Variants in PCDHA9 observed in about 807,000 individuals in gnomAD.
The protein encoded by PCDHA9 is protocadherin alpha 9, also known as protocadherin alpha-9.
In PCDHA9, 62 loss-of-function variants were observed where a neutral mutation model predicts 62.0. The observed-to-expected ratio is 1.00, with a 90% confidence interval of 0.81 to 1.23. The LOEUF (loss-of-function observed/expected upper bound fraction) is 1.23. Ranked by LOEUF, PCDHA9 falls within the 50% of genes most tolerant of loss-of-function variation. The pLI, the probability that PCDHA9 is intolerant of heterozygous loss-of-function variation, is 0.00. For missense variants in PCDHA9, 1,205 were observed against 1,249.8 expected, an observed-to-expected ratio of 0.96 and a Z score of 0.54; for synonymous variants, 557 against 567.6, an observed-to-expected ratio of 0.98 and a Z score of 0.27.
At chr5:140,855,357 A>C (rs2043441484) in intron 1 of PCDHA9, among the ~76,000 whole-genome samples, 1 of 150,032 alleles carries the variant, frequency 6.7e-6, no homozygotes, top group South Asian at 2.1e-4. Context: ...TCATGTGGCT[A>C]GTGAGTAGGA....
rs2098421039 is a variant in PCDHA9, at chr5:141,011,549, G to GA, written c.*1615dup. 1 of 153,674 alleles carries GA rather than the reference G, an allele frequency of 6.5e-6. No individual in the cohort carries two copies. The highest frequency in any genetic ancestry group is 1.5e-5 in the Non-Finnish European group (1 of 68,008). The allele number at this position is 153,674 out of a possible 1,614,324, so 9.5% of individuals were successfully genotyped here. A position where few individuals can be genotyped will look rare whatever the true frequency, so the allele number is the denominator to read the frequency against. Reference sequence around the variant, plus strand: ...CCATTGTTAATCAGCTTTTGTGTATGAAAGACACAGTAAAATTTCTTTCTT... The same window carrying GA: ...CCATTGTTAATCAGCTTTTGTGTATGAAAAGACACAGTAAAATTTCTTTCTT... On this transcript the variant is annotated 3_prime_UTR_variant, in exon 4 of 4. Coordinates refer to ENST00000532602, the MANE Select transcript of PCDHA9 (RefSeq NM_031857.2).
At position 140,980,684 on chromosome 5, in the gene PCDHA9, GA is replaced by G. The variant is rs782726576; in HGVS notation, c.2453+1687del. 1.5e-4 allele frequency among the ~76,000 whole-genome samples: 22 copies of G among 145,136 alleles called. No individual in the cohort carries two copies. In the East Asian group the frequency reaches 2.6e-3, roughly 17 times the overall value. ...AACTTCCTTATCCCATTTTCAAATT[GA>G]AAAAAAAAAGCCAAATGTGCTCCTA... On this transcript the variant is annotated intron_variant, in intron 2 of 3. Transcript: ENST00000532602.
In PCDHA9 at chr5:141,011,549, GA is replaced by G. The variant is rs2098421039; in HGVS notation, c.*1615del. Reference sequence around the variant, plus strand: ...CCATTGTTAATCAGCTTTTGTGTATGAAAGACACAGTAAAATTTCTTTCTTA... The same window carrying G: ...CCATTGTTAATCAGCTTTTGTGTATGAAGACACAGTAAAATTTCTTTCTTA... On this transcript the variant is annotated 3_prime_UTR_variant, in exon 4 of 4. Coordinates refer to ENST00000532602, the MANE Select transcript of PCDHA9 (RefSeq NM_031857.2). 1 of 153,674 alleles carries G rather than the reference GA, an allele frequency of 6.5e-6. No individual in the cohort carries two copies. Among genetic ancestry groups the G allele is most frequent in the Non-Finnish European group, 1.5e-5 (1 of 68,008 alleles). The allele number at this position is 153,674 out of a possible 1,614,324, so 9.5% of individuals were successfully genotyped here. A position where few individuals can be genotyped will look rare whatever the true frequency, so the allele number is the denominator to read the frequency against.
In PCDHA9 at chr5:140,870,868, G is replaced by T. The variant is rs550915753; in HGVS notation, c.2394+19979G>T. 2.5e-6 allele frequency: 4 copies of T among 1,613,944 alleles called. No homozygotes were observed. The South Asian group carries it at 3.3e-5, about 13-fold the overall frequency. ...ACCGCGGTCGGTGGGTGCGGGCCAC[G>T]TGGTGGCGAAGGTGCGCGCAGTGGA... On this transcript the variant is annotated intron_variant, in intron 1 of 3. Coordinates refer to ENST00000532602, the MANE Select transcript of PCDHA9 (RefSeq NM_031857.2).
At position 140,875,707 on chromosome 5, in the gene PCDHA9, C is replaced by G. The variant is rs782640816; in HGVS notation, c.2394+24818C>G. ...ACACGGGGACCTTCTGGAGGTAAAT[C>G]TGCAGAATGGCATTTTGTTTGTGAA... On this transcript the variant is annotated intron_variant, in intron 1 of 3. Transcript: ENST00000532602. The G allele has an allele frequency of 6.2e-6, 10 of 1,614,048 alleles. No homozygotes were observed. In the South Asian group the frequency reaches 6.6e-5, roughly 11 times the overall value.
At chr5:140,873,631 A>G (rs2054392579) in intron 1 of PCDHA9, among the ~76,000 whole-genome samples, 1 of 152,222 alleles carries the variant, frequency 6.6e-6, no homozygotes, top group Non-Finnish European at 1.5e-5. Flanking sequence ...TTTAGGTCAA[A>G]GAGTATGTGA....
chr5:140,886,827 GAAA>G (rs782016620), intron 1 of PCDHA9, among the ~76,000 whole-genome samples: 1 of 60,882 alleles, frequency 1.6e-5, no homozygotes. Flanking sequence ...ACTTCGTCTT[GAAA>G]AAAAAAAAAA....
intron 1 of PCDHA9, among the ~76,000 whole-genome samples, chr5:140,912,874 G>T (rs2076102653): frequency 6.6e-6 from 1 of 152,026 alleles, no homozygotes; most frequent in Non-Finnish European, 1.5e-5. Context: ...TATGGTTTTT[G>T]GTCTTCATTC....
chr5:140,982,488 G>C lies in PCDHA9; in HGVS notation c.2467G>C (p.Glu823Gln), dbSNP rs782419098. 3 of 1,614,212 alleles carry C rather than the reference G, an allele frequency of 1.9e-6. No individual in the cohort carries two copies. Among genetic ancestry groups the C allele is most frequent in the Non-Finnish European group, 2.5e-6 (3 of 1,180,036 alleles). The change falls in exon 3 of 4, where the codon GAG becomes CAG. Residue 823 changes from glutamate to glutamine, a missense_variant. Glu to Gln is a conservative substitution (Grantham distance 29). This residue lies in a region of PCDHA9 where 887 missense variants were observed against 809.5 expected (regional missense o/e 1.10). Coordinates refer to ENST00000532602, the MANE Select transcript of PCDHA9 (RefSeq NM_031857.2). ...RAGMHSSVHLEEAGILRAGPG... is the reference protein window; with the variant it reads ...RAGMHSSVHLQEAGILRAGPG... The stretch of plus-strand genomic sequence containing the variant: ...GTGTTTATTCAGCTCTGTGCACCTA[G>C]AGGAGGCTGGCATTCTACGGGCTGG...
At chr5:140,905,627 G>A (rs1233983487) in intron 1 of PCDHA9, among the ~76,000 whole-genome samples, 1 of 152,150 alleles carries the variant, frequency 6.6e-6, no homozygotes, top group African/African-American at 2.4e-5. Context: ...GCTTTTGACA[G>A]TATGGTCAGT....
Position 140,982,513 on chromosome 5 carries a change from G to A in PCDHA9, c.2492G>A (p.Gly831Asp). Residue 831 changes from glycine (G) to aspartate (D), a missense_variant, in exon 3 of 4, where the codon GGT (glycine) becomes GAT (aspartate). Transcript: ENST00000532602. ...HLEEAGILRA[G>D]PGGPDQQWPT... is the part of the protein sequence containing the mutation. ...GAGGAGGCTGGCATTCTACGGGCTGGTCCAGGAGGGCCTGATCAGCAGTGG... is the reference window on the plus strand; with the variant it reads ...GAGGAGGCTGGCATTCTACGGGCTGATCCAGGAGGGCCTGATCAGCAGTGG... The A allele has an allele frequency of 6.2e-7, 1 of 1,614,194 alleles. No individual in the cohort carries two copies. Among genetic ancestry groups the A allele is most frequent in the Non-Finnish European group, 8.5e-7 (1 of 1,180,032 alleles).
At chr5:140,857,925 A>G (rs1291686886) in intron 1 of PCDHA9, 2 of 1,597,800 alleles carry the variant, frequency 1.3e-6, no homozygotes. Context: ...GTGGGGCTGT[A>G]CACGGGCGAG....
intron 3 of PCDHA9, among the ~76,000 whole-genome samples, chr5:141,003,132 C>G (rs1391034413): frequency 6.6e-6 from 1 of 152,208 alleles, no homozygotes; most frequent in African/African-American, 2.4e-5. Flanking sequence ...CTGGCATTTG[C>G]CTTGGCAAAG....
intron 1 of PCDHA9, among the ~76,000 whole-genome samples, chr5:140,972,018 A>G (rs2096514313): frequency 6.6e-6 from 1 of 152,162 alleles, no homozygotes; most frequent in Non-Finnish European, 1.5e-5. Flanking sequence ...TTTATATGGG[A>G]TATTCAGGCA....
At chr5:140,995,424 A>G (rs868948138) in intron 3 of PCDHA9, among the ~76,000 whole-genome samples, 10 of 152,186 alleles carry the variant, frequency 6.6e-5, no homozygotes, top group South Asian at 2.1e-4. Flanking sequence ...ATTACTCAGA[A>G]CAGCTTGCAA....
chr5:140,927,339 A>G lies in PCDHA9; in HGVS notation c.2395-51610A>G, dbSNP rs532353795. 3.7e-6 allele frequency: 6 copies of G among 1,614,052 alleles called. No individual in the cohort carries two copies. The South Asian group carries it at 4.4e-5, about 12-fold the overall frequency. The stretch of plus-strand genomic sequence containing the variant: ...CCCGCTTTACTCTCCCGAATGCCCA[A>G]GATGACGACGAGGGAAGCAATGGGA... On this transcript the variant is annotated intron_variant, in intron 1 of 3. Transcript: ENST00000532602.
intron 1 of PCDHA9, among the ~76,000 whole-genome samples, chr5:140,952,740 C>T (rs2094790841): frequency 1.3e-5 from 2 of 152,184 alleles, no homozygotes; most frequent in African/African-American, 2.4e-5. Flanking sequence ...TTTTCTCACA[C>T]TGCTATAAAA....
intron 1 of PCDHA9, chr5:140,858,330 G>A: frequency 6.3e-7 from 1 of 1,596,082 alleles, no homozygotes. Context: ...TCTGGGGAGG[G>A]CCTGCCCAAG....
intron 1 of PCDHA9, among the ~76,000 whole-genome samples, chr5:140,923,413 G>T (rs2081347795): frequency 6.6e-6 from 1 of 152,062 alleles, no homozygotes; most frequent in Non-Finnish European, 1.5e-5. Context: ...CTATAATCCT[G>T]GCTACTTGGG....
Sources: gnomAD v4.1 joint callset for allele counts (sites outside exome capture counted in the v4.1 genomes callset) on GRCh38, gnomAD v4.1.1 for gene constraint, gnomAD v4.1.1 regional missense constraint, MANE v1.5 for transcripts, NCBI Gene and HGNC (gene_info 2026-07-23, HGNC 2026-07-21) for gene names.